LUZP2: variants seen among roughly 807,000 people sequenced by gnomAD.
LUZP2 encodes the protein leucine zipper protein 2.
In LUZP2, 52 loss-of-function variants were observed where a neutral mutation model predicts 51.6. The ratio of observed to expected loss-of-function variants is 1.01; its 90% CI spans 0.81 to 1.27. The LOEUF (loss-of-function observed/expected upper bound fraction) is 1.27, where lower values mean the gene tolerates loss of function less well. Ranked by LOEUF, LUZP2 falls within the 50% of genes most tolerant of loss-of-function variation. LUZP2 has a pLI of 0.00. For synonymous variants in LUZP2, 154 were observed against 137.3 expected, an observed-to-expected ratio of 1.12 and a Z score of -0.85; for missense variants, 436 against 395.4, an observed-to-expected ratio of 1.10 and a Z score of -0.87.
At chr11:24,833,198 C>G (rs1288779297) in intron 5 of LUZP2, among the ~76,000 whole-genome samples, 2 of 152,094 alleles carry the variant, frequency 1.3e-5, no homozygotes. Context: ...CAATAAAAGA[C>G]CTACTGTCTA....
intron 7 of LUZP2, among the ~76,000 whole-genome samples, chr11:24,935,132 A>G (rs982208027): frequency 1.3e-5 from 2 of 152,170 alleles, no homozygotes; most frequent in Admixed American, 1.3e-4. Flanking sequence ...TGAGCAATGA[A>G]TTGCTGACCT....
intron 1 of LUZP2, among the ~76,000 whole-genome samples, chr11:24,694,437 G>A (rs1322516007): frequency 6.6e-6 from 1 of 152,128 alleles, no homozygotes; most frequent in Admixed American, 6.6e-5. Context: ...TGTTTTCAAT[G>A]ATTTATCTCA....
chr11:24,927,735 C>G (rs1483822916), intron 7 of LUZP2, among the ~76,000 whole-genome samples: 1 of 151,742 alleles, frequency 6.6e-6, no homozygotes, highest in African/African-American at 2.4e-5. Flanking sequence ...TCTTTTGGTT[C>G]CATATAAATT....
intron 7 of LUZP2, among the ~76,000 whole-genome samples, chr11:24,926,235 A>ATG (rs1259888708): frequency 1.4e-5 from 2 of 145,868 alleles, no homozygotes; most frequent in Non-Finnish European, 3.0e-5. Context: ...GTATATATAT[A>ATG]TGTGTGTGTA....
intron 7 of LUZP2, among the ~76,000 whole-genome samples, chr11:24,967,756 T>G (rs1855630383): frequency 6.6e-6 from 1 of 152,132 alleles, no homozygotes; most frequent in African/African-American, 2.4e-5. Flanking sequence ...TTTCCTCTTT[T>G]GTCAAGAACA....
intron 10 of LUZP2, among the ~76,000 whole-genome samples, chr11:25,053,245 A>T (rs1858577507): frequency 6.6e-6 from 1 of 152,160 alleles, no homozygotes; most frequent in Non-Finnish European, 1.5e-5. Flanking sequence ...AAATAATTAC[A>T]TCATCATTAT....
rs140781885 is a variant in LUZP2, at chr11:24,860,254, C to T, written c.397-45737C>T. Among the ~76,000 whole-genome samples, 704 of 152,264 alleles carry T rather than the reference C, an allele frequency of 4.6e-3. 7 individuals are homozygous for T. Among genetic ancestry groups the T allele is most frequent in the African/African-American group, 0.016 (658 of 41,556 alleles). On this transcript the variant is annotated intron_variant, in intron 5 of 11. Transcript: ENST00000336930. Reference sequence around the variant, plus strand: ...TGGGTGGGGCTTCCCTGCAGGAACTCGAGTAACCCCAGGCAGAGGCTCAGC... The same window carrying T: ...TGGGTGGGGCTTCCCTGCAGGAACTTGAGTAACCCCAGGCAGAGGCTCAGC...
intron 9 of LUZP2, among the ~76,000 whole-genome samples, chr11:24,994,996 A>G (rs948761170): frequency 6.6e-6 from 1 of 152,234 alleles, no homozygotes; most frequent in Non-Finnish European, 1.5e-5. Context: ...CACAAATAAG[A>G]ATACCATAAA....
Position 24,742,721 on chromosome 11 carries a change from T to C in LUZP2, c.333+4419T>C, listed in dbSNP as rs187709461. ...TAATTAAGTCCCAACTATTTATCTT[T>C]GTTTTTATTGCGTTTGCTTTTGGGT... On this transcript the variant is annotated intron_variant, in intron 4 of 11. Coordinates refer to ENST00000336930, the MANE Select transcript of LUZP2 (RefSeq NM_001009909.4). Among the ~76,000 whole-genome samples the C allele has an allele frequency of 5.9e-4, 90 of 152,204 alleles. 2 individuals carry two copies. The East Asian group carries it at 0.016, about 27-fold the overall frequency.
chr11:24,951,026 AAG>A (rs1316578209), intron 7 of LUZP2, among the ~76,000 whole-genome samples: 2 of 151,612 alleles, frequency 1.3e-5, no homozygotes, highest in East Asian at 3.9e-4. Flanking sequence ...TTCCTTCAAT[AAG>A]AGAGAGAAGA....
chr11:24,947,592 C>T (rs1490205949), intron 7 of LUZP2, among the ~76,000 whole-genome samples: 1 of 151,796 alleles, frequency 6.6e-6, no homozygotes, highest in Non-Finnish European at 1.5e-5. Context: ...TTGGTTTAGT[C>T]TAAATAAATT....
chr11:25,050,584 A>ATG (rs1858477023), intron 10 of LUZP2, among the ~76,000 whole-genome samples: 1 of 152,096 alleles, frequency 6.6e-6, no homozygotes, highest in Non-Finnish European at 1.5e-5. Flanking sequence ...GATTACAGGC[A>ATG]TGAGCCACTG....
chr11:24,778,627 A>C (rs1849007266), intron 5 of LUZP2, among the ~76,000 whole-genome samples: 1 of 152,170 alleles, frequency 6.6e-6, no homozygotes, highest in Non-Finnish European at 1.5e-5. Flanking sequence ...TAAGAAACAA[A>C]CAATCAATAA....
intron 1 of LUZP2, among the ~76,000 whole-genome samples, chr11:24,542,244 C>A (rs1201742400): frequency 6.6e-6 from 1 of 152,032 alleles, no homozygotes; most frequent in Non-Finnish European, 1.5e-5. Context: ...CCCCCATACA[C>A]AAACCACGTG....
At chr11:24,589,345 A>G (rs1311909048) in intron 1 of LUZP2, among the ~76,000 whole-genome samples, 1 of 152,136 alleles carries the variant, frequency 6.6e-6, no homozygotes, top group Non-Finnish European at 1.5e-5. Flanking sequence ...AGAATAAGTG[A>G]TATGATGTGT....
intron 5 of LUZP2, among the ~76,000 whole-genome samples, chr11:24,771,256 G>A (rs1037749408): frequency 6.6e-6 from 1 of 151,000 alleles, no homozygotes; most frequent in Non-Finnish European, 1.5e-5. Context: ...TATAGTCCAT[G>A]ATAACCAGCT....
chr11:24,657,864 C>T (rs1438494316), intron 1 of LUZP2, among the ~76,000 whole-genome samples: 3 of 152,126 alleles, frequency 2.0e-5, no homozygotes, highest in Non-Finnish European at 2.9e-5. Context: ...ATCCAACTTA[C>T]AAGGGATGTG....
chr11:25,074,316 C>G (rs1023205579), intron 10 of LUZP2, among the ~76,000 whole-genome samples: 1 of 152,162 alleles, frequency 6.6e-6, no homozygotes, highest in Non-Finnish European at 1.5e-5. Context: ...TGGTGCCTCT[C>G]TGAGACTCAC....
At chr11:25,002,483 A>T (rs1176193275) in intron 9 of LUZP2, among the ~76,000 whole-genome samples, 2 of 152,204 alleles carry the variant, frequency 1.3e-5, no homozygotes, top group Non-Finnish European at 2.9e-5. Flanking sequence ...CTGGTATCTA[A>T]GTAGGCAGTT....
Sources: gnomAD v4.1 joint callset for allele counts (sites outside exome capture counted in the v4.1 genomes callset) on GRCh38, gnomAD v4.1.1 for gene constraint, MANE v1.5 for transcripts, NCBI Gene and HGNC (gene_info 2026-07-23, HGNC 2026-07-21) for gene names.